The following SIRPD variants were observed in gnomAD, a reference collection of about 807,000 sequenced individuals.
SIRPD encodes the protein signal regulatory protein delta.
Under a neutral mutation model 18.0 loss-of-function variants are expected in SIRPD, and 21 were observed. The ratio of observed to expected loss-of-function variants is 1.17; its 90% CI spans 0.83 to 1.68. The LOEUF is 1.68. SIRPD is among the 40% of genes most tolerant of loss of function. The pLI, the probability that SIRPD is intolerant of heterozygous loss-of-function variation, is 0.00. For synonymous variants in SIRPD, 106 were observed against 92.9 expected (o/e 1.14, Z -0.81); for missense variants, 295 against 238.4 (o/e 1.24, Z -1.56).
chr20:1,534,573 G>GGT (rs2090937505), intron 3 of SIRPD, 132 bp from the exon 4 acceptor site: 1 of 875,294 alleles, frequency 1.1e-6, no homozygotes, highest in Non-Finnish European at 1.7e-6. Context: ...CTAAGGTTGT[G>GGT]GTGAGGCAGG....
chr20:1,550,394 G>C (rs574858957), intron 2 of SIRPD, among the ~76,000 whole-genome samples: 1 of 152,274 alleles, frequency 6.6e-6, no homozygotes, highest in African/African-American at 2.4e-5. Context: ...TTCCACCTTG[G>C]TTGTAAGATG....
intron 2 of SIRPD, among the ~76,000 whole-genome samples, chr20:1,541,576 C>T (rs985491835): frequency 1.3e-5 from 2 of 152,148 alleles, no homozygotes; most frequent in African/African-American, 4.8e-5. Context: ...AATTTTCTCC[C>T]ATTCTGTAGC....
chr20:1,537,309 C>T lies in SIRPD; in HGVS notation c.423G>A (p.Glu141=). The change falls in exon 3 of 4, where the codon GAG becomes GAA. Residue 141 remains glutamate (E), a splice_region_variant and synonymous_variant. Transcript: ENST00000381623. ...TGTTCTTGGGAGGTCTTGGATTCTG[C>T]TCTGCTGAGAGAGGCAAAACTATGT... ...SGRGTQVFVT[E]QNPRPPKNRP... is the part of the protein sequence containing the mutation. The T allele has an allele frequency of 1.2e-6, 2 of 1,613,504 alleles. No homozygotes were observed. The highest frequency in any genetic ancestry group is 1.3e-5 in the African/African-American group (1 of 75,024).
At chr20:1,538,733 C>T (rs1427204475) in intron 2 of SIRPD, among the ~76,000 whole-genome samples, 1 of 152,160 alleles carries the variant, frequency 6.6e-6, no homozygotes, top group Non-Finnish European at 1.5e-5. Context: ...AACTGACATC[C>T]CAGCTAAGAT....
At chr20:1,557,443 T>A in intron 1 of SIRPD, 138 bp downstream of exon 1, 6 of 645,414 alleles carry the variant, frequency 9.3e-6, no homozygotes, top group South Asian at 3.6e-5. Flanking sequence ...CCCAGTGTAG[T>A]CTTCTGAGTT....
chr20:1,535,471 T>C (rs1357299319), intron 3 of SIRPD, among the ~76,000 whole-genome samples: 1 of 152,150 alleles, frequency 6.6e-6, no homozygotes, highest in Non-Finnish European at 1.5e-5. Context: ...AGTGGATTAA[T>C]GGGTTATCAT....
intron 2 of SIRPD, among the ~76,000 whole-genome samples, chr20:1,539,927 T>A (rs2060264425): frequency 6.6e-6 from 1 of 152,212 alleles, no homozygotes; most frequent in Admixed American, 6.5e-5. Flanking sequence ...GCAGACACCT[T>A]GATTGCAGCC....
chr20:1,554,586 A>G (rs1436997968), intron 1 of SIRPD, among the ~76,000 whole-genome samples: 1 of 152,210 alleles, frequency 6.6e-6, no homozygotes, highest in East Asian at 1.9e-4. Flanking sequence ...GTATATTTTT[A>G]TTAAATGAGA....
intron 2 of SIRPD, among the ~76,000 whole-genome samples, chr20:1,544,602 A>T (rs1194805701): frequency 3.3e-5 from 5 of 152,106 alleles, no homozygotes; most frequent in African/African-American, 1.2e-4. Context: ...TAATTGGGGC[A>T]TTTAGCCCAT....
chr20:1,545,335 T>C (rs566949744), intron 2 of SIRPD, among the ~76,000 whole-genome samples: 4 of 152,196 alleles, frequency 2.6e-5, no homozygotes, highest in Non-Finnish European at 5.9e-5. Flanking sequence ...TTTTCTCTAA[T>C]CTTGTCTTCA....
rs556854439 is a variant in SIRPD, at chr20:1,536,568, C to T, written c.577+587G>A. 7.2e-5 allele frequency among the ~76,000 whole-genome samples: 11 copies of T among 152,238 alleles called. No homozygotes were observed. In the East Asian group the frequency reaches 1.5e-3, roughly 21 times the overall value. On this transcript the variant is annotated intron_variant, in intron 3 of 3. Transcript: ENST00000381623. ...GCAGGAGAAACACCCGCATCAAGAA[C>T]GTAATCCTAGGTTTCTGAGATTCTG... is the stretch of plus-strand genomic sequence containing the variant.
chr20:1,556,954 G>T (rs1171610891), intron 1 of SIRPD, among the ~76,000 whole-genome samples: 2 of 152,190 alleles, frequency 1.3e-5, no homozygotes, highest in Non-Finnish European at 2.9e-5. Flanking sequence ...ACAGAAAGAA[G>T]TGTAAAATCT....
chr20:1,535,675 A>T (rs954409866), intron 3 of SIRPD, among the ~76,000 whole-genome samples: 118 of 152,288 alleles, frequency 7.7e-4, no homozygotes, highest in African/African-American at 2.7e-3. Context: ...TATAAGAAAT[A>T]GGTTCTTTTT....
At chr20:1,555,440 A>G (rs1013434329) in intron 1 of SIRPD, among the ~76,000 whole-genome samples, 2 of 152,212 alleles carry the variant, frequency 1.3e-5, no homozygotes, top group Admixed American at 1.3e-4. Flanking sequence ...CATGGTGACT[A>G]TAGTTAATGC....
chr20:1,534,367 G>C lies in SIRPD; in HGVS notation c.*58C>G, dbSNP rs567117130. The C allele has an allele frequency of 1.2e-6, 2 of 1,605,656 alleles. No homozygotes were observed. Among genetic ancestry groups the C allele is most frequent in the African/African-American group, 1.3e-5 (1 of 74,392 alleles). On this transcript the variant is annotated 3_prime_UTR_variant, in exon 4 of 4. Coordinates refer to ENST00000381623, the MANE Select transcript of SIRPD (RefSeq NM_178460.3). ...CTCCTAAAAAGTAGCTGTCTCCAGG[G>C]AGTCAGAAGAGTATGGGGGCTTTTG...
At chr20:1,536,402 GTTTT>G (rs11340259) in intron 3 of SIRPD, among the ~76,000 whole-genome samples, 5 of 137,232 alleles carry the variant, frequency 3.6e-5, no homozygotes, top group Non-Finnish European at 6.3e-5. Context: ...CCGGCCTGTC[GTTTT>G]TTTTTTTTTT....
chr20:1,554,618 T>C (rs2091032023), intron 1 of SIRPD, among the ~76,000 whole-genome samples: 1 of 152,176 alleles, frequency 6.6e-6, no homozygotes. Context: ...AGAATTTGGG[T>C]CAGATTTTTC....
At chr20:1,552,805 G>C (rs1349477504) in intron 1 of SIRPD, among the ~76,000 whole-genome samples, 1 of 152,104 alleles carries the variant, frequency 6.6e-6, no homozygotes. Flanking sequence ...GGGAACTCCT[G>C]GCTGGCAGGG....
intron 2 of SIRPD, among the ~76,000 whole-genome samples, chr20:1,549,916 T>C (rs1438489127): frequency 6.6e-6 from 1 of 152,204 alleles, no homozygotes; most frequent in Non-Finnish European, 1.5e-5. Flanking sequence ...CATTTTTATT[T>C]ATTAAGAAAT....
Sources: gnomAD v4.1 joint callset for allele counts (sites outside exome capture counted in the v4.1 genomes callset) on GRCh38, gnomAD v4.1.1 for gene constraint, MANE v1.5 for transcripts, NCBI Gene and HGNC (gene_info 2026-07-23, HGNC 2026-07-21) for gene names.